RAP1GAP: variants seen among roughly 807,000 people sequenced by gnomAD.
RAP1GAP encodes RAP1 GTPase activating protein.
Under a neutral mutation model 87.2 loss-of-function variants are expected in RAP1GAP, and 35 were observed. That is an observed-to-expected ratio of 0.40 (90% CI 0.31 to 0.53). RAP1GAP has a LOEUF of 0.53. Ranked by LOEUF, RAP1GAP falls within the 20% of genes least tolerant of loss-of-function variation. The pLI is 0.48. For missense variants in RAP1GAP, 734 were observed against 898.9 expected (o/e 0.82, Z 2.35); for synonymous variants, 375 against 363.9 (o/e 1.03, Z -0.35).
chr1:21,607,786 A>G (rs1383962535), intron 17 of RAP1GAP, among the ~76,000 whole-genome samples: 2 of 152,036 alleles, frequency 1.3e-5, no homozygotes, highest in African/African-American at 4.8e-5. Context: ...TATGTCCCCA[A>G]GTGTAAGCCC....
chr1:21,607,557 T>C (rs1411884138), intron 17 of RAP1GAP, among the ~76,000 whole-genome samples: 1 of 39,312 alleles, frequency 2.5e-5, no homozygotes, highest in Non-Finnish European at 6.9e-5. Context: ...GAGAACTCTA[T>C]TTCTTTCCCT....
intron 1 of RAP1GAP, among the ~76,000 whole-genome samples, chr1:21,661,902 T>A (rs996450299): frequency 6.6e-6 from 1 of 152,242 alleles, no homozygotes. Flanking sequence ...TGGGGCAGCA[T>A]AGCCCCCATG....
At chr1:21,657,391 ATTAT>A (rs1467502544) in intron 1 of RAP1GAP, among the ~76,000 whole-genome samples, 1 of 152,216 alleles carries the variant, frequency 6.6e-6, no homozygotes, top group Non-Finnish European at 1.5e-5. Context: ...CTCAAATCAC[ATTAT>A]TTATGTTCAT....
chr1:21,635,089 G>A (rs577911845), intron 2 of RAP1GAP, among the ~76,000 whole-genome samples: 1 of 152,204 alleles, frequency 6.6e-6, no homozygotes, highest in Non-Finnish European at 1.5e-5. Flanking sequence ...GATGGAGATG[G>A]TGACTTCCAA....
At chr1:21,651,368 C>T (rs1237547092) in intron 1 of RAP1GAP, 1 of 505,772 alleles carries the variant, frequency 2.0e-6, no homozygotes, top group African/African-American at 1.9e-5. Context: ...TCCCCCTGAC[C>T]TGCCTGCCCC....
intron 4 of RAP1GAP, among the ~76,000 whole-genome samples, chr1:21,619,546 C>T (rs928861180): frequency 1.3e-5 from 2 of 152,066 alleles, no homozygotes; most frequent in African/African-American, 4.8e-5. Context: ...CCCCGGCCCA[C>T]CTCCCATGCA....
chr1:21,643,567 AAAAAAAAAG>A (rs796676400), intron 2 of RAP1GAP, among the ~76,000 whole-genome samples: 9,926 of 147,250 alleles, frequency 0.067, 303 homozygotes, highest in African/African-American at 0.078. Flanking sequence ...AAAAAAAAAA[AAAAAAAAAG>A]AAAAAAGAAA....
intron 2 of RAP1GAP, among the ~76,000 whole-genome samples, chr1:21,629,114 G>A (rs1211537679): frequency 1.3e-5 from 2 of 152,192 alleles, no homozygotes; most frequent in East Asian, 1.9e-4. Context: ...TTCCCCTAGC[G>A]AATGGGGGAT....
At chr1:21,656,411 T>C (rs1450692216) in intron 1 of RAP1GAP, among the ~76,000 whole-genome samples, 3 of 102,094 alleles carry the variant, frequency 2.9e-5, no homozygotes, top group East Asian at 3.0e-4. Context: ...ATAGCAAGAC[T>C]CCATCTAAAA....
At position 21,656,428 on chromosome 1, in the gene RAP1GAP, A is replaced by AC. The variant is rs577935349; in HGVS notation, c.-148-6633_-148-6632insG. On this transcript the variant is annotated intron_variant, in intron 1 of 24. Transcript: ENST00000374765. The stretch of plus-strand genomic sequence containing the variant: ...AGCAAGACTCCATCTAAAAAAAAAA[A>AC]AAAAAAAAAAAAAAAAAAAAAAAAA... Among the ~76,000 whole-genome samples the AC allele has an allele frequency of 4.7e-3, 692 of 148,710 alleles. 23 individuals are homozygous for AC. Among genetic ancestry groups the AC allele is most frequent in the South Asian group, 0.013 (60 of 4,646 alleles).
intron 19 of RAP1GAP, among the ~76,000 whole-genome samples, chr1:21,602,599 C>A (rs77891692): frequency 1.3e-5 from 2 of 152,242 alleles, no homozygotes; most frequent in Non-Finnish European, 2.9e-5. Context: ...TCTGACCTAC[C>A]GCTTCTTGAT....
chr1:21,607,768 A>G (rs1445875942), intron 17 of RAP1GAP, among the ~76,000 whole-genome samples: 1 of 152,058 alleles, frequency 6.6e-6, no homozygotes, highest in Non-Finnish European at 1.5e-5. Context: ...ACTCTACCCA[A>G]GGCAGACTAT....
Position 21,611,592 on chromosome 1 carries a change from G to C in RAP1GAP, c.714-11C>G. 1 of 1,613,966 alleles carries C rather than the reference G, an allele frequency of 6.2e-7. No individual in the cohort carries two copies. The highest frequency in any genetic ancestry group is 8.5e-7 in the Non-Finnish European group (1 of 1,179,964). ...AGGCCTCCTCGGAACCTGCCCCGGG[G>C]CCCCCCAGGCCACGCCTCAGTCTCC... On this transcript the variant is annotated splice_polypyrimidine_tract_variant and intron_variant, in intron 12 of 24. Transcript: ENST00000374765.
chr1:21,605,090 G>A (rs968945032), intron 18 of RAP1GAP, among the ~76,000 whole-genome samples: 1 of 151,846 alleles, frequency 6.6e-6, no homozygotes, highest in Non-Finnish European at 1.5e-5. Context: ...GATGGGTGGG[G>A]AGCACAGCAG....
Position 21,597,766 on chromosome 1 carries a change from C to T in RAP1GAP, c.1984-38G>A, listed in dbSNP as rs200465776. On this transcript the variant is annotated intron_variant, in intron 23 of 24. Transcript: ENST00000374765. Reference sequence around the variant, plus strand: ...AGTGGTGGTGAGGCAGGTGGCAAGACGGGAGAAGCAACGGGGCGGGAGACA... The same window carrying T: ...AGTGGTGGTGAGGCAGGTGGCAAGATGGGAGAAGCAACGGGGCGGGAGACA... 5.9e-4 allele frequency: 950 copies of T among 1,611,486 alleles called. 14 individuals are homozygous for T. In the South Asian group the frequency reaches 9.9e-3, roughly 17 times the overall value.
rs777942714 is a variant in RAP1GAP at position 21,657,945 on chromosome 1, T to C, written c.-148-8149A>G. 2.4e-4 allele frequency among the ~76,000 whole-genome samples: 37 copies of C among 152,202 alleles called. 1 individual carries two copies. Among genetic ancestry groups the C allele is most frequent in the Non-Finnish European group, 1.2e-4 (8 of 67,998 alleles). ...ACAAGGCCCTCATTGAGGCAGTGGC[T>C]CTCAACAAGGGTGGCTCTGCCCCCC... is the stretch of plus-strand genomic sequence containing the variant. On this transcript the variant is annotated intron_variant, in intron 1 of 24. Coordinates refer to ENST00000374765, the MANE Select transcript of RAP1GAP (RefSeq NM_002885.4).
In RAP1GAP at chr1:21,660,339, C is replaced by CTATATATATATATATATA. The variant is rs1553503813; in HGVS notation, c.-149+8914_-149+8915insTATATATATATATATATA. ...CTGGACAGAGTGGGTTCCAACTCAG[C>CTATATATATATATATATA]TATATATATTTATTGAGACAGTCTC... On this transcript the variant is annotated intron_variant, in intron 1 of 24. Transcript: ENST00000374765. 4.2e-4 allele frequency among the ~76,000 whole-genome samples: 22 copies of CTATATATATATATATATA among 52,866 alleles called. 3 individuals are homozygous for CTATATATATATATATATA. The South Asian group carries it at 7.8e-3, about 19-fold the overall frequency. The allele number at this position is 52,866 out of a possible 152,430, so 34.7% of individuals were successfully genotyped here.
chr1:21,655,243 T>C (rs2152147231), intron 1 of RAP1GAP, among the ~76,000 whole-genome samples: 1 of 152,340 alleles, frequency 6.6e-6, no homozygotes, highest in Non-Finnish European at 1.5e-5. Context: ...AGCAAAGATT[T>C]ATTAGTAAGA....
intron 1 of RAP1GAP, among the ~76,000 whole-genome samples, chr1:21,665,901 A>G (rs2097328791): frequency 6.6e-6 from 1 of 152,214 alleles, no homozygotes; most frequent in African/African-American, 2.4e-5. Flanking sequence ...ACCAGAGCCC[A>G]ACTTCCTTTC....
Sources: gnomAD v4.1 joint callset for allele counts (sites outside exome capture counted in the v4.1 genomes callset) on GRCh38, gnomAD v4.1.1 for gene constraint, MANE v1.5 for transcripts, NCBI Gene and HGNC (gene_info 2026-07-23, HGNC 2026-07-21) for gene names.